CECR2: variants seen among roughly 807,000 people sequenced by gnomAD.
The protein encoded by CECR2 is chromatin remodeling regulator CECR2.
Under a neutral mutation model 154.5 loss-of-function variants are expected in CECR2, and 30 were observed. The observed-to-expected ratio is 0.19, with a 90% CI of 0.15 to 0.26. CECR2 has a LOEUF of 0.26. Among genes scored for constraint, CECR2 ranks in the 10% least tolerant of loss-of-function variants. The pLI is 1.00. For synonymous variants in CECR2, 725 were observed against 683.7 expected (o/e 1.06, Z -0.94); for missense variants, 1,743 against 1,829.3 (o/e 0.95, Z 0.86).
chr22:17,481,471 T>A (rs955886245), intron 2 of CECR2, among the ~76,000 whole-genome samples: 6 of 151,848 alleles, frequency 4.0e-5, no homozygotes, highest in Non-Finnish European at 5.9e-5. Flanking sequence ...GTGAGAGTAA[T>A]CATCATGAAA....
intron 1 of CECR2, among the ~76,000 whole-genome samples, chr22:17,457,429 A>G (rs572891756): frequency 3.9e-5 from 6 of 152,254 alleles, no homozygotes; most frequent in Admixed American, 6.5e-5. Flanking sequence ...TATTTTTGCA[A>G]TTCATTCATA....
At chr22:17,435,187 A>C (rs950493601) in intron 1 of CECR2, among the ~76,000 whole-genome samples, 3 of 149,248 alleles carry the variant, frequency 2.0e-5, no homozygotes, top group Admixed American at 6.6e-5. Context: ...GCTCCTCCAA[A>C]GTTTTTTCTT....
chr22:17,547,321 C>G (rs1018658526), intron 16 of CECR2, among the ~76,000 whole-genome samples: 3 of 151,936 alleles, frequency 2.0e-5, no homozygotes, highest in African/African-American at 7.2e-5. Context: ...TCTCCGCCTC[C>G]TGGGTTCACG....
At chr22:17,439,015 AT>A (rs1043437317) in intron 1 of CECR2, among the ~76,000 whole-genome samples, 10 of 151,826 alleles carry the variant, frequency 6.6e-5, no homozygotes, top group African/African-American at 1.5e-4. Context: ...ATCTCTACAC[AT>A]TTTTTTTAAA....
At chr22:17,480,402 TTAC>T (rs2055286374) in intron 2 of CECR2, among the ~76,000 whole-genome samples, 2 of 141,832 alleles carry the variant, frequency 1.4e-5, no homozygotes, top group African/African-American at 5.3e-5. Context: ...ATCTTGAAAC[TTAC>T]TACTCATGTA....
At chr22:17,465,951 T>G (rs992950312) in intron 1 of CECR2, among the ~76,000 whole-genome samples, 1 of 152,192 alleles carries the variant, frequency 6.6e-6, no homozygotes, top group Non-Finnish European at 1.5e-5. Flanking sequence ...ATACAACACG[T>G]GTTATTGAAT....
In CECR2 at chr22:17,393,083, T is replaced by C. The variant is rs534466740; in HGVS notation, c.126+23174T>C. On this transcript the variant is annotated intron_variant, in intron 1 of 18. Transcript: ENST00000262608. Reference sequence around the variant, plus strand: ...TAGTGGGTTTTAGTATATTTACAAATAGTTACAACTGTTGCCACCGTAACC... The same window carrying C: ...TAGTGGGTTTTAGTATATTTACAAACAGTTACAACTGTTGCCACCGTAACC... Among the ~76,000 whole-genome samples the C allele has an allele frequency of 7.6e-4, 116 of 152,244 alleles. 1 individual carries two copies. Among genetic ancestry groups the C allele is most frequent in the African/African-American group, 2.7e-3 (112 of 41,544 alleles).
rs1321432666 is a variant in CECR2 at position 17,540,440 on chromosome 22, G to A, written c.1524G>A (p.Glu508=). The change falls in exon 14 of 19, where the codon GAG becomes GAA. Residue 508 remains glutamate (E), a synonymous_variant. Coordinates refer to ENST00000262608, the MANE Select transcript of CECR2 (RefSeq NM_001290047.2). ...SEYTKMSDNL[E]RCFHRAMMKH... is the part of the protein sequence containing the mutation. Reference sequence around the variant, plus strand: ...ATACCAAGATGTCTGATAATTTAGAGAGGTGTTTCCATCGGGCAATGATGA... The same window carrying A: ...ATACCAAGATGTCTGATAATTTAGAAAGGTGTTTCCATCGGGCAATGATGA... 16 of 1,566,982 alleles carry A rather than the reference G, an allele frequency of 1.0e-5. No individual in the cohort carries two copies. Among genetic ancestry groups the A allele is most frequent in the Non-Finnish European group, 1.4e-5 (16 of 1,155,156 alleles).
chr22:17,550,132 C>CTTTATTTATTTA (rs368804976), intron 17 of CECR2: 32 of 150,336 alleles, frequency 2.1e-4, no homozygotes, highest in African/African-American at 5.9e-4. Context: ...ATATTGTAAA[C>CTTTATTTATTTA]TTTATTTATT....
At chr22:17,377,093 A>G (rs1434346333) in intron 1 of CECR2, among the ~76,000 whole-genome samples, 3 of 152,168 alleles carry the variant, frequency 2.0e-5, no homozygotes, top group African/African-American at 4.8e-5. Context: ...CTGTGATTCT[A>G]GAAATGTTTC....
chr22:17,504,854 AG>A lies in CECR2; in HGVS notation c.711del (p.Pro238GlnfsTer49). 6.2e-7 allele frequency: 1 copy of A among 1,613,098 alleles called. No individual in the cohort carries two copies. The highest frequency in any genetic ancestry group is 8.5e-7 in the Non-Finnish European group (1 of 1,179,598). On this transcript the variant is annotated frameshift_variant, in exon 7 of 19. Transcript: ENST00000262608. LOFTEE classifies it high-confidence loss of function. ...SEPQTRHGSQ[G>X]PGQGTWWLLC... ...CGTTCCTTTATTTTCTAGGGTCCCA[AG>A]GGCCAGGCCAAGGTACTTGGTGGCT...
At chr22:17,438,073 T>A (rs1434224506) in intron 1 of CECR2, among the ~76,000 whole-genome samples, 1 of 152,238 alleles carries the variant, frequency 6.6e-6, no homozygotes, top group Non-Finnish European at 1.5e-5. Flanking sequence ...GAAAGAATTG[T>A]ACATTATATT....
chr22:17,495,885 A>T (rs939026847), intron 2 of CECR2, among the ~76,000 whole-genome samples: 32 of 135,676 alleles, frequency 2.4e-4, no homozygotes, highest in African/African-American at 7.7e-4. Flanking sequence ...AAAAAAAAAA[A>T]GGTATTTACA....
chr22:17,380,172 C>T (rs540667626), intron 1 of CECR2, among the ~76,000 whole-genome samples: 3 of 152,154 alleles, frequency 2.0e-5, no homozygotes, highest in East Asian at 1.9e-4. Flanking sequence ...GTGTTAAATC[C>T]GAGAATTTGT....
At chr22:17,525,541 A>C (rs174329) in intron 9 of CECR2, among the ~76,000 whole-genome samples, 4 of 152,030 alleles carry the variant, frequency 2.6e-5, no homozygotes, top group African/African-American at 9.7e-5. Context: ...CGGAGGTGGA[A>C]GTTGCAGTGA....
At chr22:17,381,601 C>T (rs1469647549) in intron 1 of CECR2, among the ~76,000 whole-genome samples, 1 of 152,118 alleles carries the variant, frequency 6.6e-6, no homozygotes, top group Non-Finnish European at 1.5e-5. Context: ...TCAGCCTTCC[C>T]TGTGTTATTG....
intron 1 of CECR2, among the ~76,000 whole-genome samples, chr22:17,383,493 A>G (rs1374422843): frequency 1.3e-5 from 2 of 152,146 alleles, no homozygotes; most frequent in Non-Finnish European, 2.9e-5. Context: ...TTCACCAGGA[A>G]TAATACATTG....
At chr22:17,513,540 C>T (rs2055998480) in intron 8 of CECR2, among the ~76,000 whole-genome samples, 2 of 152,174 alleles carry the variant, frequency 1.3e-5, no homozygotes, top group South Asian at 2.1e-4. Flanking sequence ...TTTGATTTCA[C>T]ATCTGTCTCT....
chr22:17,421,969 T>A (rs74824303), intron 1 of CECR2, among the ~76,000 whole-genome samples: 2,291 of 152,230 alleles, frequency 0.015, 60 homozygotes, highest in African/African-American at 0.053. Flanking sequence ...CAAGGATTCT[T>A]TGTCAGGGTA....
Sources: allele counts gnomAD v4.1 joint callset (sites outside exome capture counted in the v4.1 genomes callset), GRCh38; gene constraint gnomAD v4.1.1; transcripts MANE v1.5; gene names NCBI Gene and HGNC (gene_info 2026-07-23, HGNC 2026-07-21).